SNX29: variants seen among roughly 807,000 people sequenced by gnomAD.
The protein encoded by SNX29 is sorting nexin 29.
SNX29 carries 78 observed loss-of-function variants against 102.1 expected under a neutral mutation model. That is an observed-to-expected ratio of 0.76 (90% CI 0.64 to 0.92). The LOEUF (loss-of-function observed/expected upper bound fraction) is 0.92. Among genes scored for constraint, SNX29 ranks in the 40% least tolerant of loss-of-function variants. The pLI is 0.00. For synonymous variants in SNX29, 580 were observed against 414.5 expected, an observed-to-expected ratio of 1.40 and a Z score of -4.85; for missense variants, 1,280 against 1,061.7, an observed-to-expected ratio of 1.21 and a Z score of -2.86.
intron 18 of SNX29, among the ~76,000 whole-genome samples, chr16:12,432,967 T>G (rs1156967697): frequency 1.3e-5 from 2 of 152,186 alleles, no homozygotes; most frequent in Non-Finnish European, 2.9e-5. Context: ...ATGCCGGGCC[T>G]GGGCCATGGC....
Position 12,571,666 on chromosome 16 carries a change from C to T in SNX29, c.*3037C>T, listed in dbSNP as rs1027629779. 19 of 1,059,326 alleles carry T rather than the reference C, an allele frequency of 1.8e-5. No individual in the cohort carries two copies. In the East Asian group the frequency reaches 9.3e-4, roughly 52 times the overall value. 65.6% of individuals were successfully genotyped at this position (1,059,326 alleles called of 1,614,324 possible). A position where few individuals can be genotyped will look rare whatever the true frequency, so the allele number is the denominator to read the frequency against. On this transcript the variant is annotated 3_prime_UTR_variant, in exon 21 of 21. Coordinates refer to ENST00000566228, the MANE Select transcript of SNX29 (RefSeq NM_032167.5). ...GAAAGACGACTCAGGAACGGTAGGG[C>T]TGGGCAGAGGTGTCTCTCCTTGAGA...
Position 12,551,274 on chromosome 16 carries a change from G to A in SNX29, c.2319-17232G>A, listed in dbSNP as rs75177021. Among the ~76,000 whole-genome samples the A allele has an allele frequency of 1.1e-3, 169 of 152,210 alleles. 1 individual carries two copies. The highest frequency in any genetic ancestry group is 6.8e-3 in the Middle Eastern group (2 of 294). The stretch of plus-strand genomic sequence containing the variant: ...TCACTGCTCCGGAGGTTCAGACACC[G>A]TCAAATGTTTAACCAGTTTGTCAGC... On this transcript the variant is annotated intron_variant, in intron 20 of 20. Transcript: ENST00000566228.
chr16:12,552,451 C>A (rs979922600), intron 20 of SNX29, among the ~76,000 whole-genome samples: 2 of 152,180 alleles, frequency 1.3e-5, no homozygotes, highest in African/African-American at 4.8e-5. Flanking sequence ...GAGTGAAATA[C>A]CTCGGGTCCA....
At chr16:12,388,563 A>G (rs2083413718) in intron 16 of SNX29, among the ~76,000 whole-genome samples, 1 of 152,248 alleles carries the variant, frequency 6.6e-6, no homozygotes, top group African/African-American at 2.4e-5. Flanking sequence ...AAATGCCCAC[A>G]TAGTACATGA....
At chr16:11,997,708 A>C (rs561228792) in intron 1 of SNX29, among the ~76,000 whole-genome samples, 1 of 152,084 alleles carries the variant, frequency 6.6e-6, no homozygotes, top group Admixed American at 6.6e-5. Flanking sequence ...CAAACTCCTG[A>C]TGTCAAGCAA....
At chr16:12,006,241 C>T (rs2056449235) in intron 3 of SNX29, among the ~76,000 whole-genome samples, 1 of 135,942 alleles carries the variant, frequency 7.4e-6, no homozygotes, top group Non-Finnish European at 1.7e-5. Flanking sequence ...AATAGCCAGG[C>T]ATGGTGGCTC....
chr16:12,106,416 A>G (rs564028094), intron 11 of SNX29, among the ~76,000 whole-genome samples: 1 of 152,188 alleles, frequency 6.6e-6, no homozygotes, highest in African/African-American at 2.4e-5. Flanking sequence ...TGTCCATCAC[A>G]TGCACATTTC....
chr16:12,115,487 G>T (rs1019254181), intron 11 of SNX29, among the ~76,000 whole-genome samples: 1 of 117,970 alleles, frequency 8.5e-6, no homozygotes, highest in African/African-American at 3.1e-5. Context: ...ACCTTGATTT[G>T]TGTGTGTGTG....
chr16:12,148,767 G>T (rs182321181), intron 13 of SNX29, among the ~76,000 whole-genome samples: 3 of 152,158 alleles, frequency 2.0e-5, no homozygotes, highest in Non-Finnish European at 4.4e-5. Context: ...GCACGATCTT[G>T]GCTCACCGCA....
chr16:12,479,811 T>C (rs1295289239), intron 19 of SNX29, among the ~76,000 whole-genome samples: 1 of 152,210 alleles, frequency 6.6e-6, no homozygotes, highest in Non-Finnish European at 1.5e-5. Context: ...TGACAGCTTC[T>C]TCACGGAATC....
At chr16:12,387,863 C>T (rs2083391055) in intron 16 of SNX29, among the ~76,000 whole-genome samples, 1 of 152,158 alleles carries the variant, frequency 6.6e-6, no homozygotes, top group Non-Finnish European at 1.5e-5. Flanking sequence ...TGGGATGTGG[C>T]ATTCTTTCTT....
chr16:12,269,722 T>TATTTG (rs1167166410), intron 14 of SNX29, among the ~76,000 whole-genome samples: 1 of 152,222 alleles, frequency 6.6e-6, no homozygotes, highest in East Asian at 1.9e-4. Flanking sequence ...TGAAGCCTTC[T>TATTTG]ATTTTTGAAG....
intron 20 of SNX29, 30 bp downstream of exon 20, chr16:12,524,871 C>G (rs1359216329): frequency 2.5e-6 from 4 of 1,597,190 alleles, no homozygotes. Flanking sequence ...ACATGGGCCG[C>G]CAGCCCTGCC....
chr16:12,294,343 T>C (rs2079906138), intron 15 of SNX29, among the ~76,000 whole-genome samples: 2 of 152,132 alleles, frequency 1.3e-5, no homozygotes, highest in Non-Finnish European at 2.9e-5. Flanking sequence ...GGACAGACAG[T>C]GTCACTCTCA....
At chr16:12,005,471 A>G (rs575726161) in intron 3 of SNX29, among the ~76,000 whole-genome samples, 9 of 152,178 alleles carry the variant, frequency 5.9e-5, no homozygotes, top group Non-Finnish European at 1.2e-4. Context: ...CAAAGCTTCC[A>G]GTGCAATCAC....
chr16:12,313,076 C>T (rs981072835), intron 15 of SNX29, among the ~76,000 whole-genome samples: 6 of 151,194 alleles, frequency 4.0e-5, no homozygotes, highest in Admixed American at 1.3e-4. Context: ...GTGAGTGGGG[C>T]GATCTCGGCT....
chr16:12,380,180 C>T (rs1193717135), intron 16 of SNX29, among the ~76,000 whole-genome samples: 3 of 151,970 alleles, frequency 2.0e-5, no homozygotes, highest in African/African-American at 4.8e-5. Flanking sequence ...ATCAGAATGA[C>T]CTTGGTCTCG....
At chr16:12,397,135 TG>T (rs1442735411) in intron 16 of SNX29, among the ~76,000 whole-genome samples, 1 of 152,206 alleles carries the variant, frequency 6.6e-6, no homozygotes, top group Non-Finnish European at 1.5e-5. Context: ...TCAAGCAATC[TG>T]CCCACCTTGA....
rs186419993 is a variant in SNX29 at position 12,328,588 on chromosome 16, G to C, written c.1783-27575G>C. On this transcript the variant is annotated intron_variant, in intron 15 of 20. Coordinates refer to ENST00000566228, the MANE Select transcript of SNX29 (RefSeq NM_032167.5). ...AGATTCCTCGTTCTCTGTCCCCAGA[G>C]GCCTTGGTTCTCTGACTTCTCGGTC... Among the ~76,000 whole-genome samples the C allele has an allele frequency of 1.9e-3, 288 of 152,166 alleles. 3 individuals are homozygous for C. The highest frequency in any genetic ancestry group is 3.0e-3 in the Non-Finnish European group (207 of 68,002).
Sources: gnomAD v4.1 joint callset for allele counts (sites outside exome capture counted in the v4.1 genomes callset) on GRCh38, gnomAD v4.1.1 for gene constraint, MANE v1.5 for transcripts, NCBI Gene and HGNC (gene_info 2026-07-23, HGNC 2026-07-21) for gene names.